Variants in MAGI2 observed in about 807,000 individuals in gnomAD.
MAGI2 encodes the protein membrane associated guanylate kinase, WW and PDZ domain containing 2.
A neutral mutation model predicts 133.3 loss-of-function variants in MAGI2; 35 were observed. The observed-to-expected ratio is 0.26, with a 90% CI of 0.20 to 0.35. The LOEUF (loss-of-function observed/expected upper bound fraction) is 0.35, where lower values mean the gene tolerates loss of function less well. Ranked by LOEUF, MAGI2 falls within the 10% of genes least tolerant of loss-of-function variation. MAGI2 has a pLI of 1.00. For synonymous variants in MAGI2, 729 were observed against 710.6 expected, an observed-to-expected ratio of 1.03 and a Z score of -0.41; for missense variants, 1,636 against 1,863.4, an observed-to-expected ratio of 0.88 and a Z score of 2.25.
chr7:78,076,661 AAGGTGAAACC>A (rs1255111328), intron 21 of MAGI2, among the ~76,000 whole-genome samples: 2 of 149,224 alleles, frequency 1.3e-5, no homozygotes, highest in Non-Finnish European at 3.0e-5. Flanking sequence ...CCTGGCTAAC[AAGGTGAAACC>A]CCGTCTCTAC....
In MAGI2 at chr7:78,100,872, T is replaced by C. The variant is rs148259283; in HGVS notation, c.3568-21787A>G. On this transcript the variant is annotated intron_variant, in intron 20 of 21. Transcript: ENST00000354212. Reference sequence around the variant, plus strand: ...TCAGTAAAGTTGCAAGATACACAATTAACATATAAAAATCAGTTGCATTTC... The same window carrying C: ...TCAGTAAAGTTGCAAGATACACAATCAACATATAAAAATCAGTTGCATTTC... Among the ~76,000 whole-genome samples the C allele has an allele frequency of 2.4e-3, 369 of 152,280 alleles. 2 individuals are homozygous for C. The highest frequency in any genetic ancestry group is 8.4e-3 in the African/African-American group (351 of 41,566).
intron 2 of MAGI2, among the ~76,000 whole-genome samples, chr7:78,641,856 G>A (rs1270617284): frequency 1.3e-5 from 2 of 152,140 alleles, no homozygotes; most frequent in African/African-American, 4.8e-5. Flanking sequence ...ACAAGAAATT[G>A]CCAGGGGAAA....
chr7:79,202,586 A>T (rs1171689012), intron 1 of MAGI2, among the ~76,000 whole-genome samples: 1 of 151,998 alleles, frequency 6.6e-6, no homozygotes, highest in Non-Finnish European at 1.5e-5. Flanking sequence ...GTGCTGTTTC[A>T]TACATTATTT....
chr7:79,007,786 C>G (rs1807603734), intron 1 of MAGI2, among the ~76,000 whole-genome samples: 2 of 151,922 alleles, frequency 1.3e-5, no homozygotes, highest in Admixed American at 1.3e-4. Context: ...AAAACCTACA[C>G]AAATATTAAT....
At chr7:79,038,101 ATTATT>A (rs1252023215) in intron 1 of MAGI2, among the ~76,000 whole-genome samples, 1 of 152,134 alleles carries the variant, frequency 6.6e-6, no homozygotes, top group African/African-American at 2.4e-5. Context: ...GTCTAGATTG[ATTATT>A]TTATTAAAGG....
At chr7:79,210,671 A>G (rs1467284232) in intron 1 of MAGI2, among the ~76,000 whole-genome samples, 3 of 152,022 alleles carry the variant, frequency 2.0e-5, no homozygotes, top group African/African-American at 4.8e-5. Context: ...TGCGCATGCC[A>G]TCTGAAAGGG....
intron 9 of MAGI2, among the ~76,000 whole-genome samples, chr7:78,268,786 T>C (rs1794271632): frequency 6.6e-6 from 1 of 152,180 alleles, no homozygotes; most frequent in Non-Finnish European, 1.5e-5. Context: ...AATGTAAACA[T>C]AGATTATTTT....
intron 7 of MAGI2, chr7:78,358,351 C>T (rs1792383022): frequency 6.6e-6 from 1 of 151,686 alleles, no homozygotes; most frequent in Non-Finnish European, 1.5e-5. Flanking sequence ...ACCCGGCAGC[C>T]ATCTTGGCCA....
chr7:78,573,313 A>ATATTTAT (rs1801877920), intron 3 of MAGI2, among the ~76,000 whole-genome samples: 8 of 43,458 alleles, frequency 1.8e-4, no homozygotes, highest in Non-Finnish European at 3.3e-4. Context: ...TATATATATA[A>ATATTTAT]ATATATAAAT....
chr7:78,747,492 G>T (rs1166512803), intron 2 of MAGI2, among the ~76,000 whole-genome samples: 3 of 151,804 alleles, frequency 2.0e-5, no homozygotes, highest in African/African-American at 7.3e-5. Context: ...TTAACAAGAG[G>T]TTACCAATTG....
chr7:79,153,383 A>G (rs1036590703), intron 1 of MAGI2, among the ~76,000 whole-genome samples: 25 of 152,158 alleles, frequency 1.6e-4, no homozygotes, highest in Admixed American at 3.9e-4. Flanking sequence ...AGCAGGGTGC[A>G]GGCAATAATA....
At chr7:79,323,361 AT>A (rs1839346370) in intron 1 of MAGI2, among the ~76,000 whole-genome samples, 1 of 152,208 alleles carries the variant, frequency 6.6e-6, no homozygotes, top group Non-Finnish European at 1.5e-5. Flanking sequence ...TCTAGGGGAA[AT>A]AATTAACCCA....
intron 21 of MAGI2, among the ~76,000 whole-genome samples, chr7:78,045,147 T>C (rs11762278): frequency 0.067 from 10,155 of 152,230 alleles, 346 homozygotes; most frequent in South Asian, 0.078. Context: ...AGCCTGGCGA[T>C]AGAGCGAGAC....
intron 21 of MAGI2, among the ~76,000 whole-genome samples, chr7:78,069,851 G>T (rs1189981690): frequency 6.6e-6 from 1 of 151,896 alleles, no homozygotes; most frequent in Non-Finnish European, 1.5e-5. Context: ...ACTTTGTGTT[G>T]GGGCAAGGAA....
intron 2 of MAGI2, among the ~76,000 whole-genome samples, chr7:78,958,748 A>C (rs1266094637): frequency 6.6e-6 from 1 of 152,116 alleles, no homozygotes; most frequent in Non-Finnish European, 1.5e-5. Flanking sequence ...CTAGTGTACC[A>C]GAAATGGCTT....
At chr7:79,029,910 G>C (rs1308572473) in intron 1 of MAGI2, among the ~76,000 whole-genome samples, 1 of 152,110 alleles carries the variant, frequency 6.6e-6, no homozygotes, top group Non-Finnish European at 1.5e-5. Flanking sequence ...CACCATGCTA[G>C]AAATTCTCAA....
chr7:78,509,138 T>G (rs184988895), intron 4 of MAGI2, among the ~76,000 whole-genome samples: 3 of 152,256 alleles, frequency 2.0e-5, no homozygotes, highest in Admixed American at 2.0e-4. Context: ...AAGAATTTTT[T>G]TTTTTCACTG....
chr7:79,294,487 A>G (rs927236470), intron 1 of MAGI2, among the ~76,000 whole-genome samples: 5 of 151,984 alleles, frequency 3.3e-5, no homozygotes, highest in Admixed American at 3.3e-4. Context: ...CAAACTTTCC[A>G]TGGGTCCGCC....
At chr7:79,327,331 A>G (rs1467362566) in intron 1 of MAGI2, among the ~76,000 whole-genome samples, 1 of 152,126 alleles carries the variant, frequency 6.6e-6, no homozygotes, top group African/African-American at 2.4e-5. Flanking sequence ...TCTTAGAAAT[A>G]TTTTCTCAAA....
Sources: allele counts gnomAD v4.1 joint callset (sites outside exome capture counted in the v4.1 genomes callset), GRCh38; gene constraint gnomAD v4.1.1; transcripts MANE v1.5; gene names NCBI Gene and HGNC (gene_info 2026-07-23, HGNC 2026-07-21).